The following COL9A1 variants were observed in gnomAD, a reference collection of about 807,000 sequenced individuals.
The protein encoded by COL9A1 is collagen alpha-1(IX) chain.
A neutral mutation model predicts 142.6 loss-of-function variants in COL9A1; 104 were observed. The ratio of observed to expected loss-of-function variants is 0.73; its 90% CI spans 0.62 to 0.86. The LOEUF is 0.86. COL9A1 is among the 40% of genes least tolerant of loss of function. COL9A1 has a pLI of 0.00. For synonymous variants in COL9A1, 466 were observed against 396.0 expected (o/e 1.18, Z -2.10); for missense variants, 1,210 against 1,176.6 (o/e 1.03, Z -0.42).
chr6:70,233,989 G>A (rs12195968), intron 35 of COL9A1, among the ~76,000 whole-genome samples: 54,786 of 152,084 alleles, frequency 0.36, 12,010 homozygotes, highest in Non-Finnish European at 0.51. Context: ...ATAGCTACAG[G>A]TAAATTTTGA....
chr6:70,232,602 A>G lies in COL9A1; in HGVS notation c.2484T>C (p.Leu828=). 6.2e-7 allele frequency: 1 copy of G among 1,614,060 alleles called. No individual in the cohort carries two copies. The highest frequency in any genetic ancestry group is 8.5e-7 in the Non-Finnish European group (1 of 1,180,030). Residue 828 remains leucine, a synonymous_variant, in exon 36 of 38, where the codon CTT becomes CTC. Coordinates refer to ENST00000357250, the MANE Select transcript of COL9A1 (RefSeq NM_001851.6). ...ACTTACCTTTAGGTCCCCTCAAACC[A>G]AGAGCACCAGGGGGCCCCTTAATGC... ...LPGIKGPPGA[L]GLRGPKGDLG...
At chr6:70,260,846 A>G (rs1328007693) in intron 19 of COL9A1, 136 bp from the exon 20 acceptor site, 4 of 704,130 alleles carry the variant, frequency 5.7e-6, no homozygotes, top group Non-Finnish European at 9.5e-6. Flanking sequence ...CTATATATAT[A>G]TAGACAAACA....
intron 15 of COL9A1, 70 bp downstream of exon 15, chr6:70,270,244 T>C (rs1583301412): frequency 8.1e-6 from 12 of 1,486,146 alleles, no homozygotes; most frequent in East Asian, 2.3e-5. Flanking sequence ...AACTTCCATT[T>C]TGGATTCTTA....
chr6:70,256,376 A>G (rs1036648347), intron 21 of COL9A1, among the ~76,000 whole-genome samples: 1 of 152,198 alleles, frequency 6.6e-6, no homozygotes, highest in Non-Finnish European at 1.5e-5. Flanking sequence ...AACCTAAAAT[A>G]ATGACACATG....
At chr6:70,264,676 T>C (rs924133247) in intron 18 of COL9A1, among the ~76,000 whole-genome samples, 11 of 152,188 alleles carry the variant, frequency 7.2e-5, no homozygotes, top group Admixed American at 5.2e-4. Flanking sequence ...TATATTTGAA[T>C]TGTTTCACCT....
At chr6:70,301,944 G>T in intron 2 of COL9A1, 57 bp downstream of exon 2, 2 of 1,400,042 alleles carry the variant, frequency 1.4e-6, no homozygotes, top group Non-Finnish European at 2.0e-6. Context: ...CCACAGCCCT[G>T]CCTGATCATT....
chr6:70,253,279 C>A (rs1173450985), intron 26 of COL9A1, 106 bp downstream of exon 26: 1 of 782,758 alleles, frequency 1.3e-6, no homozygotes, highest in Non-Finnish European at 2.1e-6. Context: ...TCCCTAGGGC[C>A]AAATATAAAA....
At chr6:70,242,865 A>T (rs1287456532) in intron 28 of COL9A1, 150 bp from the exon 29 acceptor site, 2 of 728,040 alleles carry the variant, frequency 2.7e-6, no homozygotes, top group African/African-American at 3.5e-5. Context: ...TCCTGTGTTC[A>T]TCTTGCATTG....
chr6:70,232,867 G>A, intron 35 of COL9A1, 96 bp from the exon 36 acceptor site: 1 of 1,206,916 alleles, frequency 8.3e-7, no homozygotes, highest in South Asian at 1.3e-5. Context: ...TTTTCTAAAT[G>A]TGTCACCAGA....
chr6:70,266,340 A>T (rs1280713819), intron 18 of COL9A1, among the ~76,000 whole-genome samples: 1 of 152,198 alleles, frequency 6.6e-6, no homozygotes, highest in African/African-American at 2.4e-5. Context: ...TCTCAGCAAC[A>T]CTTGTCATAA....
chr6:70,242,116 G>T, intron 29 of COL9A1, 81 bp from the exon 30 acceptor site: 1 of 1,186,878 alleles, frequency 8.4e-7, no homozygotes, highest in Non-Finnish European at 1.2e-6. Context: ...CCTTGGGTGT[G>T]TTGACTTGTG....
chr6:70,280,395 G>A (rs1773069407), intron 10 of COL9A1: 1 of 1,174,642 alleles, frequency 8.5e-7, no homozygotes, highest in African/African-American at 1.6e-5. Flanking sequence ...GGGAGTGCCG[G>A]TGAAAGAGCA....
chr6:70,283,035 C>T, intron 6 of COL9A1, 117 bp from the exon 7 acceptor site: 1 of 1,607,424 alleles, frequency 6.2e-7, no homozygotes, highest in Non-Finnish European at 8.5e-7. Flanking sequence ...CCCCGCGGTC[C>T]CGCGCAGTCC....
intron 34 of COL9A1, 89 bp from the exon 35 acceptor site, chr6:70,234,682 C>A (rs975835399): frequency 1.2e-6 from 2 of 1,602,612 alleles, no homozygotes; most frequent in African/African-American, 2.7e-5. Flanking sequence ...CTGCAAGGAG[C>A]CAGGTGGCTG....
At chr6:70,302,278 C>T (rs986512577) in intron 1 of COL9A1, among the ~76,000 whole-genome samples, 6 of 140,362 alleles carry the variant, frequency 4.3e-5, no homozygotes, top group South Asian at 2.2e-4. Context: ...GGCGCGATCT[C>T]GGCTCTTTGC....
downstream of COL9A1, chr6:70,215,228 T>C (rs1415127104): frequency 6.6e-6 from 1 of 152,174 alleles, no homozygotes; most frequent in African/African-American, 2.4e-5. Context: ...CTGATCTATA[T>C]GGCAAAGTTG....
At chr6:70,245,657 T>C (rs1770548411) in intron 28 of COL9A1, 1 of 152,080 alleles carries the variant, frequency 6.6e-6, no homozygotes, top group Non-Finnish European at 1.5e-5. Context: ...AATCCTACCA[T>C]TAAAAATGAT....
chr6:70,278,998 T>G (rs1772943206), intron 10 of COL9A1, among the ~76,000 whole-genome samples: 1 of 152,210 alleles, frequency 6.6e-6, no homozygotes, highest in African/African-American at 2.4e-5. Flanking sequence ...GTTTAATTAA[T>G]AGCAAGACAA....
chr6:70,275,111 T>G (rs973371920), intron 10 of COL9A1: 1 of 324,354 alleles, frequency 3.1e-6, no homozygotes, highest in Admixed American at 4.7e-5. Context: ...CTAAGACTGG[T>G]GGGTCTTGGT....
Sources: allele counts gnomAD v4.1 joint callset (sites outside exome capture counted in the v4.1 genomes callset), GRCh38; gene constraint gnomAD v4.1.1; transcripts MANE v1.5; gene names NCBI Gene and HGNC (gene_info 2026-07-23, HGNC 2026-07-21).